PLEKHH2: variants seen among roughly 807,000 people sequenced by gnomAD.
PLEKHH2 encodes the protein pleckstrin homology, MyTH4 and FERM domain containing H2.
In PLEKHH2, 129 loss-of-function variants were observed where a neutral mutation model predicts 187.9. The observed-to-expected ratio is 0.69, with a 90% CI of 0.59 to 0.79. The LOEUF (loss-of-function observed/expected upper bound fraction) is 0.79. Ranked by LOEUF, PLEKHH2 falls within the 30% of genes least tolerant of loss-of-function variation. The probability of loss-of-function intolerance (pLI) is 0.00; values close to 1 mark genes in which losing one functional copy is unlikely to be tolerated. For missense variants in PLEKHH2, 2,076 were observed against 1,751.2 expected (o/e 1.19, Z -3.31); for synonymous variants, 686 against 605.6 (o/e 1.13, Z -1.95).
At chr2:43,683,066 C>G (rs1022034897) in intron 3 of PLEKHH2, among the ~76,000 whole-genome samples, 1 of 151,286 alleles carries the variant, frequency 6.6e-6, no homozygotes, top group African/African-American at 2.4e-5. Context: ...CATCTTTTGA[C>G]TATTGTGACT....
chr2:43,668,944 A>G (rs1004668754), intron 2 of PLEKHH2, among the ~76,000 whole-genome samples: 1 of 152,204 alleles, frequency 6.6e-6, no homozygotes, highest in Non-Finnish European at 1.5e-5. Flanking sequence ...GGGAAGGGAA[A>G]AGGTGGTAAC....
chr2:43,697,041 A>G (rs1033991598), intron 6 of PLEKHH2, 130 bp from the exon 7 acceptor site: 2 of 643,870 alleles, frequency 3.1e-6, no homozygotes, highest in Non-Finnish European at 2.5e-6. Context: ...TTGTACATCA[A>G]TAAAGATGAA....
intron 1 of PLEKHH2, among the ~76,000 whole-genome samples, chr2:43,639,275 G>A (rs1234142738): frequency 1.3e-5 from 2 of 152,256 alleles, no homozygotes; most frequent in East Asian, 3.9e-4. Context: ...CTTAATATAA[G>A]TCACAAACTA....
intron 24 of PLEKHH2, 113 bp downstream of exon 24, chr2:43,746,076 G>A (rs1013869031): frequency 1.7e-6 from 1 of 599,170 alleles, no homozygotes; most frequent in Non-Finnish European, 2.6e-6. Flanking sequence ...TTGTAAGTTT[G>A]TCTTTCTATA....
chr2:43,681,928 G>A (rs1008864349), intron 3 of PLEKHH2, among the ~76,000 whole-genome samples: 7 of 152,066 alleles, frequency 4.6e-5, no homozygotes, highest in African/African-American at 1.7e-4. Context: ...TGCTTGAAAA[G>A]GAAATCTTAC....
At chr2:43,740,911 G>A (rs115999524) in intron 20 of PLEKHH2, 35 bp from the exon 21 acceptor site, 19,617 of 1,606,250 alleles carry the variant, frequency 0.012, 137 homozygotes, top group Non-Finnish European at 0.013. Flanking sequence ...TGACTGGCAC[G>A]TGGTATCTAA....
chr2:43,704,154 A>G, intron 9 of PLEKHH2, 98 bp downstream of exon 9: 1 of 792,296 alleles, frequency 1.3e-6, no homozygotes, highest in Non-Finnish European at 2.0e-6. Flanking sequence ...AAAAAGACAA[A>G]TACTGTATGA....
chr2:43,714,632 G>T (rs114421591), intron 15 of PLEKHH2, among the ~76,000 whole-genome samples: 2,097 of 152,238 alleles, frequency 0.014, 61 homozygotes, highest in African/African-American at 0.048. Flanking sequence ...ATTCTAGACA[G>T]TCACTCTTGC....
intron 2 of PLEKHH2, chr2:43,676,327 C>T (rs781379789): frequency 1.3e-6 from 2 of 1,597,518 alleles, no homozygotes; most frequent in African/African-American, 2.7e-5. Flanking sequence ...AACCATTTTC[C>T]AGGCGTTAGG....
At chr2:43,704,662 TAAAA>T (rs70965318) in intron 9 of PLEKHH2, among the ~76,000 whole-genome samples, 2 of 84,292 alleles carry the variant, frequency 2.4e-5, no homozygotes, top group Admixed American at 2.9e-4. Flanking sequence ...GATTCTGTCT[TAAAA>T]AAAAAAAAAA....
chr2:43,753,532 A>G, intron 24 of PLEKHH2, 87 bp from the exon 25 acceptor site: 1 of 1,109,174 alleles, frequency 9.0e-7, no homozygotes. Context: ...TGTTAAAACA[A>G]CCCCATCTCA....
intron 2 of PLEKHH2, among the ~76,000 whole-genome samples, chr2:43,659,890 C>T (rs1365384110): frequency 6.6e-6 from 1 of 152,022 alleles, no homozygotes. Flanking sequence ...TTTTTTTGGT[C>T]AAGTTAATTG....
intron 3 of PLEKHH2, among the ~76,000 whole-genome samples, chr2:43,686,412 G>C (rs781310619): frequency 6.6e-6 from 1 of 152,148 alleles, no homozygotes; most frequent in Non-Finnish European, 1.5e-5. Flanking sequence ...GGTCAGGCTG[G>C]TCTCAAACTC....
chr2:43,650,931 C>A (rs1012439874), intron 2 of PLEKHH2, among the ~76,000 whole-genome samples: 1 of 151,952 alleles, frequency 6.6e-6, no homozygotes, highest in Admixed American at 6.5e-5. Context: ...AGGCATGAGC[C>A]ACCGCGCCTG....
intron 27 of PLEKHH2, among the ~76,000 whole-genome samples, chr2:43,760,633 G>A (rs529506239): frequency 1.3e-5 from 2 of 152,286 alleles, no homozygotes; most frequent in East Asian, 3.9e-4. Flanking sequence ...AAAGTGCTGG[G>A]ATTACAGGCG....
In PLEKHH2 at chr2:43,729,621, A is replaced by G. The variant is rs1451023998; in HGVS notation, c.2722-16A>G. On this transcript the variant is annotated splice_polypyrimidine_tract_variant and intron_variant, in intron 17 of 29. Transcript: ENST00000282406. ...AACTGTGTCTTAACATTTAATTAAT[A>G]TGTTCTGGTTTTAAGGACACTTGGC... The G allele has an allele frequency of 1.3e-6, 2 of 1,502,698 alleles. No homozygotes were observed. Among genetic ancestry groups the G allele is most frequent in the African/African-American group, 1.4e-5 (1 of 70,748 alleles). The allele number at this position is 1,502,698 out of a possible 1,614,324, so 93.1% of individuals were successfully genotyped here.
At chr2:43,694,655 T>C (rs567201514) in intron 5 of PLEKHH2, 141 bp downstream of exon 5, 3 of 875,256 alleles carry the variant, frequency 3.4e-6, no homozygotes, top group African/African-American at 1.8e-5. Flanking sequence ...AAATGAGATA[T>C]AGGTAGCTTT....
At chr2:43,757,934 T>G (rs1672281091) in intron 26 of PLEKHH2, among the ~76,000 whole-genome samples, 1 of 152,184 alleles carries the variant, frequency 6.6e-6, no homozygotes, top group Admixed American at 6.5e-5. Context: ...CTATTATGAA[T>G]AAGTTGAAAT....
chr2:43,707,478 C>T lies in PLEKHH2; in HGVS notation c.1899C>T (p.Ser633=). The T allele has an allele frequency of 6.2e-7, 1 of 1,614,120 alleles. No homozygotes were observed. The highest frequency in any genetic ancestry group is 1.3e-5 in the African/African-American group (1 of 75,032). The stretch of plus-strand genomic sequence containing the variant: ...AGGAAGAAGACAGCTCCAGATCCAG[C>T]TCCCGGACGTCAGAGTCAGACTCAC... ...GSEEEDSSRS[S]SRTSESDSRS... is the part of the protein sequence containing the mutation. Residue 633 remains serine (S), a synonymous_variant, in exon 11 of 30, where the codon AGC becomes AGT. Coordinates refer to ENST00000282406, the MANE Select transcript of PLEKHH2 (RefSeq NM_172069.4).
Sources: gnomAD v4.1 joint callset for allele counts (sites outside exome capture counted in the v4.1 genomes callset) on GRCh38, gnomAD v4.1.1 for gene constraint, MANE v1.5 for transcripts, NCBI Gene and HGNC (gene_info 2026-07-23, HGNC 2026-07-21) for gene names.